ZZZ3: variants seen among roughly 807,000 people sequenced by gnomAD.
ZZZ3 encodes ZZ-type zinc finger-containing protein 3.
A neutral mutation model predicts 95.2 loss-of-function variants in ZZZ3; 22 were observed. That is an observed-to-expected ratio of 0.23 (90% CI 0.17 to 0.33). The LOEUF is 0.33. Among genes scored for constraint, ZZZ3 ranks in the 10% least tolerant of loss-of-function variants. The pLI is 1.00. For synonymous variants in ZZZ3, 335 were observed against 358.9 expected (o/e 0.93, Z 0.75); for missense variants, 885 against 1,066.5 (o/e 0.83, Z 2.37).
At chr1:77,603,784 A>G (rs1250921024) in intron 5 of ZZZ3, among the ~76,000 whole-genome samples, 1 of 152,222 alleles carries the variant, frequency 6.6e-6, no homozygotes, top group Non-Finnish European at 1.5e-5. Flanking sequence ...TTAAAAAAAA[A>G]GAGGAATATT....
chr1:77,584,725 G>T, intron 5 of ZZZ3, 70 bp from the exon 6 acceptor site: 2 of 1,299,268 alleles, frequency 1.5e-6, no homozygotes, highest in Admixed American at 2.5e-5. Flanking sequence ...CTGAGTTCAA[G>T]CCATGATCTA....
At position 77,632,135 on chromosome 1, in the gene ZZZ3, T is replaced by C; in HGVS notation, c.1220A>G (p.Glu407Gly). The change falls in exon 5 of 15, where the codon GAG becomes GGG. Residue 407 changes from glutamate to glycine, a missense_variant. This residue lies in a region of ZZZ3 where 556 missense variants were observed against 652.9 expected (regional missense o/e 0.85). Coordinates refer to ENST00000370801, the MANE Select transcript of ZZZ3 (RefSeq NM_015534.6). ...TGTTTCATTAGGACTAAGATTATTCTCCTCAAATTGTCCATTTTCTCTGTA... is the reference window on the plus strand; with the variant it reads ...TGTTTCATTAGGACTAAGATTATTCCCCTCAAATTGTCCATTTTCTCTGTA... ...SPYRENGQFE[E>G]NNLSPNETNA... 1 of 1,614,168 alleles carries C rather than the reference T, an allele frequency of 6.2e-7. No homozygotes were observed. Among genetic ancestry groups the C allele is most frequent in the Non-Finnish European group, 8.5e-7 (1 of 1,180,016 alleles).
chr1:77,587,468 G>T (rs1206644964), intron 5 of ZZZ3, among the ~76,000 whole-genome samples: 1 of 151,998 alleles, frequency 6.6e-6, no homozygotes. Context: ...GTTTCACCAT[G>T]TTAGCCAGGA....
At chr1:77,649,200 C>T (rs1669574119) in intron 1 of ZZZ3, among the ~76,000 whole-genome samples, 1 of 151,968 alleles carries the variant, frequency 6.6e-6, no homozygotes, top group Admixed American at 6.6e-5. Context: ...TAAGCCAGCT[C>T]ATAACCAAAC....
chr1:77,634,160 A>C (rs1044820524), intron 4 of ZZZ3, among the ~76,000 whole-genome samples: 1 of 152,038 alleles, frequency 6.6e-6, no homozygotes, highest in Non-Finnish European at 1.5e-5. Flanking sequence ...ACAGAGTGAG[A>C]CTGTCTCAAA....
At chr1:77,666,257 G>A (rs1017240260) in intron 1 of ZZZ3, among the ~76,000 whole-genome samples, 2 of 152,188 alleles carry the variant, frequency 1.3e-5, no homozygotes, top group South Asian at 2.1e-4. Flanking sequence ...ATTCTGGCAC[G>A]TTGGCTTATG....
At chr1:77,588,209 A>G (rs147486039) in intron 5 of ZZZ3, among the ~76,000 whole-genome samples, 12 of 150,984 alleles carry the variant, frequency 7.9e-5, no homozygotes, top group African/African-American at 2.9e-4. Context: ...CATGCCAGAC[A>G]AATGTTGCAT....
intron 1 of ZZZ3, among the ~76,000 whole-genome samples, chr1:77,650,122 C>G (rs774886007): frequency 6.6e-6 from 1 of 151,574 alleles, no homozygotes; most frequent in Non-Finnish European, 1.5e-5. Context: ...AGCAGATGAA[C>G]AGAGAAAAAG....
At chr1:77,625,427 C>A (rs951852954) in intron 5 of ZZZ3, among the ~76,000 whole-genome samples, 1 of 151,982 alleles carries the variant, frequency 6.6e-6, no homozygotes, top group Non-Finnish European at 1.5e-5. Flanking sequence ...ATTCTGATAT[C>A]CAATTTCAGA....
intron 1 of ZZZ3, among the ~76,000 whole-genome samples, chr1:77,649,075 C>T (rs921403454): frequency 6.6e-6 from 1 of 151,972 alleles, no homozygotes; most frequent in Non-Finnish European, 1.5e-5. Flanking sequence ...TGTAATGAGC[C>T]GAGATTGCAC....
chr1:77,590,326 A>G (rs1199151280), intron 5 of ZZZ3, among the ~76,000 whole-genome samples: 2 of 152,234 alleles, frequency 1.3e-5, no homozygotes, highest in African/African-American at 4.8e-5. Flanking sequence ...GTGAGCTGAG[A>G]TCATGCCATT....
intron 5 of ZZZ3, among the ~76,000 whole-genome samples, chr1:77,602,839 C>T (rs1014236034): frequency 1.3e-5 from 2 of 151,796 alleles, no homozygotes; most frequent in African/African-American, 2.4e-5. Context: ...CTCCTGACCT[C>T]GTGATCTGCC....
At chr1:77,603,357 G>C (rs990043818) in intron 5 of ZZZ3, among the ~76,000 whole-genome samples, 5 of 152,134 alleles carry the variant, frequency 3.3e-5, no homozygotes, top group African/African-American at 1.2e-4. Context: ...ACGATTATAG[G>C]AATGAGCCAC....
At chr1:77,609,740 G>T (rs1352918294) in intron 5 of ZZZ3, among the ~76,000 whole-genome samples, 2 of 152,096 alleles carry the variant, frequency 1.3e-5, no homozygotes, top group Non-Finnish European at 2.9e-5. Flanking sequence ...AGAGGATTTT[G>T]GAAACAATAC....
At chr1:77,622,335 A>G (rs534193553) in intron 5 of ZZZ3, among the ~76,000 whole-genome samples, 3 of 151,472 alleles carry the variant, frequency 2.0e-5, no homozygotes, top group Admixed American at 6.6e-5. Flanking sequence ...AAAATAAACT[A>G]AAAGGAATGA....
chr1:77,633,259 G>A lies in ZZZ3; in HGVS notation c.96C>T (p.Ser32=), dbSNP rs1667985516. ...SFCGRTLRNR[S]IAHPEEISSN... is the part of the protein sequence containing the mutation. ...AAGAGATTTCTTCAGGATGCGCAAT[G>A]CTACGATTCCTTAAAGTTCTACCAC... Residue 32 remains serine, a synonymous_variant, in exon 5 of 15, where the codon AGC becomes AGT. Coordinates refer to ENST00000370801, the MANE Select transcript of ZZZ3 (RefSeq NM_015534.6). 6.2e-7 allele frequency: 1 copy of A among 1,614,064 alleles called. No homozygotes were observed. The highest frequency in any genetic ancestry group is 8.5e-7 in the Non-Finnish European group (1 of 1,179,972).
intron 3 of ZZZ3, among the ~76,000 whole-genome samples, chr1:77,640,285 A>C (rs1345511664): frequency 6.6e-6 from 1 of 152,124 alleles, no homozygotes; most frequent in Non-Finnish European, 1.5e-5. Flanking sequence ...ACTATATAAT[A>C]ATTTATTATG....
At chr1:77,647,644 T>C (rs1669411315) in intron 1 of ZZZ3, among the ~76,000 whole-genome samples, 1 of 152,210 alleles carries the variant, frequency 6.6e-6, no homozygotes, top group South Asian at 2.1e-4. Flanking sequence ...TTGTTCGTAA[T>C]AAGTGATTTA....
intron 5 of ZZZ3, among the ~76,000 whole-genome samples, chr1:77,585,714 T>A (rs778278606): frequency 1.3e-5 from 2 of 152,220 alleles, no homozygotes; most frequent in African/African-American, 4.8e-5. Context: ...CACATAGATG[T>A]TCAATAAATA....
Sources: allele counts gnomAD v4.1 joint callset (sites outside exome capture counted in the v4.1 genomes callset), GRCh38; gene constraint gnomAD v4.1.1; regional missense constraint gnomAD v4.1.1; transcripts MANE v1.5; gene names NCBI Gene and HGNC (gene_info 2026-07-23, HGNC 2026-07-21).